Variants in KCNH2 observed in about 807,000 individuals in gnomAD.
KCNH2 encodes the protein voltage-gated inwardly rectifying potassium channel KCNH2.
A neutral mutation model predicts 95.9 loss-of-function variants in KCNH2; 35 were observed. The observed-to-expected ratio is 0.37, with a 90% CI of 0.28 to 0.48. The LOEUF (loss-of-function observed/expected upper bound fraction) is 0.48, where lower values mean the gene tolerates loss of function less well. KCNH2 is among the 20% of genes least tolerant of loss of function. KCNH2 has a pLI of 0.99. For synonymous variants in KCNH2, 786 were observed against 754.7 expected (o/e 1.04, Z -0.68); for missense variants, 1,274 against 1,702.9 (o/e 0.75, Z 4.43).
intron 2 of KCNH2, among the ~76,000 whole-genome samples, chr7:150,966,500 C>T (rs1394432978): frequency 2.0e-5 from 3 of 149,414 alleles, no homozygotes; most frequent in African/African-American, 4.9e-5. Flanking sequence ...AAACATGTGA[C>T]GGTGATCCAA....
Position 150,951,084 on chromosome 7 carries a change from G to A in KCNH2, c.1982C>T (p.Ala661Val), listed in dbSNP as rs768519164. ...MYASIFGNVS[A>V]IIQRLYSGTA... ...GCCCGAGTACAGCCGCTGGATGATG[G>A]CCGACACGTTGCCGAAGATGCTAGC... is the stretch of plus-strand genomic sequence containing the variant. The change falls in exon 8 of 15, where the codon GCC (alanine) becomes GTC (valine). Residue 661 changes from alanine (A) to valine (V), a missense_variant. This residue lies in a region of KCNH2 where 5 missense variants were observed against 30.1 expected (regional missense o/e 0.17). Coordinates refer to ENST00000262186, the MANE Select transcript of KCNH2 (RefSeq NM_000238.4). 1 of 1,612,716 alleles carries A rather than the reference G, an allele frequency of 6.2e-7. No individual in the cohort carries two copies. The highest frequency in any genetic ancestry group is 2.2e-5 in the East Asian group (1 of 44,870).
At chr7:150,951,383 GT>G in intron 7 of KCNH2, 64 bp downstream of exon 7, 1 of 1,599,310 alleles carries the variant, frequency 6.3e-7, no homozygotes. Flanking sequence ...AGCAGCCTCA[GT>G]TTCCTCCAAC....
At position 150,945,506 on chromosome 7, in the gene KCNH2, C is replaced by G; in HGVS notation, c.3339G>C (p.Gln1113His). 6.4e-7 allele frequency: 1 copy of G among 1,558,590 alleles called. No individual in the cohort carries two copies. Among genetic ancestry groups the G allele is most frequent in the Non-Finnish European group, 8.7e-7 (1 of 1,151,392 alleles). The stretch of plus-strand genomic sequence containing the variant: ...GGGGCAGCTCCTCACACGCCATGAA[C>G]TGGGAAACCTGCAATACACACAGAG... ...LTLDSLSQVS[Q>H]FMACEELPPG... Residue 1113 changes from glutamine (Q) to histidine (H), a missense_variant, in exon 15 of 15, where the codon CAG becomes CAC. Gln to His is a conservative substitution (Grantham distance 24, BLOSUM62 0). Around this residue, in one of 7 missense-constraint regions of KCNH2, gnomAD observed 457 missense variants for 416.1 expected, o/e 1.10. Coordinates refer to ENST00000262186, the MANE Select transcript of KCNH2 (RefSeq NM_000238.4). The surrounding 1 kb of genome is among the most constrained non-coding windows in gnomAD (Gnocchi z 5.6).
At chr7:150,965,668 G>T (rs368808901) in intron 2 of KCNH2, among the ~76,000 whole-genome samples, 93 of 152,290 alleles carry the variant, frequency 6.1e-4, no homozygotes, top group African/African-American at 2.2e-3. Context: ...GACCCACATG[G>T]ACGCTGCTCT....
At chr7:150,959,020 A>T (rs1801478854) in intron 3 of KCNH2, among the ~76,000 whole-genome samples, 1 of 152,252 alleles carries the variant, frequency 6.6e-6, no homozygotes. Flanking sequence ...CAAAGAGGGC[A>T]TCCTGACAGA....
intron 2 of KCNH2, among the ~76,000 whole-genome samples, chr7:150,971,705 A>G (rs148146579): frequency 1.4e-3 from 213 of 151,888 alleles, no homozygotes; most frequent in African/African-American, 4.7e-3. Context: ...ACAGAGAGTA[A>G]GCCAGGCAGG....
chr7:150,957,500 C>T lies in KCNH2; in HGVS notation c.919G>A (p.Ala307Thr). The T allele has an allele frequency of 6.2e-7, 1 of 1,610,668 alleles. No homozygotes were observed. Among genetic ancestry groups the T allele is most frequent in the African/African-American group, 1.4e-5 (1 of 74,042 alleles). Residue 307 changes from alanine to threonine, a missense_variant and splice_region_variant, in exon 5 of 15, where the codon GCC becomes ACC. This residue lies in a region of KCNH2 where 392 missense variants were observed against 429.9 expected (regional missense o/e 0.91). Transcript: ENST00000262186. ...AAGCCGCTGCGCAGTGGGTGCATGG[C>T]CCCTAGGTGGAGAGGCAGCGTGGTC... ...PPPPRHASTG[A>T]MHPLRSGLLN...
At chr7:150,956,019 C>T (rs1228238369) in intron 5 of KCNH2, 3 of 200,978 alleles carry the variant, frequency 1.5e-5, no homozygotes, top group Admixed American at 1.3e-4. Flanking sequence ...CTGACACCCC[C>T]GCCCAGCCGG....
In KCNH2 at chr7:150,958,251, G is replaced by T. The variant is rs199472872; in HGVS notation, c.724C>A (p.Arg242Ser). 2 of 1,415,276 alleles carry T rather than the reference G, an allele frequency of 1.4e-6. No individual in the cohort carries two copies. Among genetic ancestry groups the T allele is most frequent in the Non-Finnish European group, 1.8e-6 (2 of 1,087,910 alleles). 87.7% of individuals were successfully genotyped at this position (1,415,276 alleles called of 1,614,324 possible). A position where few individuals can be genotyped will look rare whatever the true frequency, so the allele number is the denominator to read the frequency against. Residue 242 changes from arginine (R) to serine (S), a missense_variant, in exon 4 of 15, where the codon CGC becomes AGC. Arg to Ser is a moderately radical substitution (Grantham distance 110). This residue lies in a region of KCNH2 where 392 missense variants were observed against 429.9 expected (regional missense o/e 0.91). Coordinates refer to ENST00000262186, the MANE Select transcript of KCNH2 (RefSeq NM_000238.4). ...RALVGPGSPPRSAPGQLPSPR... is the reference protein window; with the variant it reads ...RALVGPGSPPSSAPGQLPSPR... Reference sequence around the variant, plus strand: ...GATGGGAGCTGGCCGGGCGCGCTGCGGGGCGGAGAGCCGGGACCCACCAGC... The same window carrying T: ...GATGGGAGCTGGCCGGGCGCGCTGCTGGGCGGAGAGCCGGGACCCACCAGC...
chr7:150,945,486 A>G lies in KCNH2; in HGVS notation c.3359T>C (p.Leu1120Pro). The G allele has an allele frequency of 1.3e-6, 2 of 1,557,762 alleles. No individual in the cohort carries two copies. The highest frequency in any genetic ancestry group is 1.7e-6 in the Non-Finnish European group (2 of 1,151,260). Residue 1120 changes from leucine to proline, a missense_variant, in exon 15 of 15, where the codon CTG (leucine) becomes CCG (proline). This residue lies in a region of KCNH2 where 457 missense variants were observed against 416.1 expected (regional missense o/e 1.10). Coordinates refer to ENST00000262186, the MANE Select transcript of KCNH2 (RefSeq NM_000238.4). The surrounding 1 kb of genome is among the most constrained non-coding windows in gnomAD (Gnocchi z 5.6). ...QVSQFMACEE[L>P]PPGAPELPQE... ...GGGAAGCTCTGGGGCCCCCGGGGGCAGCTCCTCACACGCCATGAACTGGGA... is the reference window on the plus strand; with the variant it reads ...GGGAAGCTCTGGGGCCCCCGGGGGCGGCTCCTCACACGCCATGAACTGGGA...
rs759305745 is a variant in KCNH2, at chr7:150,952,678, T to C, written c.1304A>G (p.Glu435Gly). 1.2e-6 allele frequency: 2 copies of C among 1,614,078 alleles called. No homozygotes were observed. Among genetic ancestry groups the C allele is most frequent in the East Asian group, 4.5e-5 (2 of 44,882 alleles). ...GGTAGCAGGCGGGCCTTCTTCCGTC[T>C]CCTTCAGCAGGAAGGCAGCCGAGTA... ...TPYSAAFLLK[E>G]TEEGPPATEC... is the part of the protein sequence containing the mutation. Residue 435 changes from glutamate to glycine, a missense_variant, in exon 6 of 15, where the codon GAG becomes GGG. Physicochemically the swap from Glu to Gly is moderately conservative, Grantham distance 98. Coordinates refer to ENST00000262186, the MANE Select transcript of KCNH2 (RefSeq NM_000238.4). The surrounding 1 kb of genome is among the most constrained non-coding windows in gnomAD (Gnocchi z 7.3).
chr7:150,945,435 G>C lies in KCNH2; in HGVS notation c.3410C>G (p.Ser1137Cys). Reference sequence around the variant, plus strand: ...GAGGGCCCCCAGCTGGCCCGGTAGGGAGAGGCGTCGTGTGGGGCCTTCTTG... The same window carrying C: ...GAGGGCCCCCAGCTGGCCCGGTAGGCAGAGGCGTCGTGTGGGGCCTTCTTG... ...LPQEGPTRRLSLPGQLGALTS... is the reference protein window; with the variant it reads ...LPQEGPTRRLCLPGQLGALTS... The change falls in exon 15 of 15, where the codon TCC (serine) becomes TGC (cysteine). Residue 1137 changes from serine (S) to cysteine (C), a missense_variant. By Grantham distance (112) the Ser-to-Cys change is moderately radical (BLOSUM62 -1). This residue lies in a region of KCNH2 where 457 missense variants were observed against 416.1 expected (regional missense o/e 1.10). Coordinates refer to ENST00000262186, the MANE Select transcript of KCNH2 (RefSeq NM_000238.4). This position sits in a 1 kb window ranked among gnomAD's most constrained non-coding sequence, Gnocchi z 5.6. 6.4e-7 allele frequency: 1 copy of C among 1,571,168 alleles called. No homozygotes were observed. The highest frequency in any genetic ancestry group is 8.6e-7 in the Non-Finnish European group (1 of 1,158,252).
At position 150,947,042 on chromosome 7, in the gene KCNH2, C is replaced by A; in HGVS notation, c.3165G>T (p.Arg1055=). 1 of 1,600,934 alleles carries A rather than the reference C, an allele frequency of 6.2e-7. No individual in the cohort carries two copies. The highest frequency in any genetic ancestry group is 8.5e-7 in the Non-Finnish European group (1 of 1,171,708). ...GGACAGTGGCCATGTCTGCACTCAG[C>A]CGGGTCTCCAGCCTGGGGCAGGAAG... is the stretch of plus-strand genomic sequence containing the variant. ...LQRQLNRLET[R]LSADMATVLQ... Residue 1055 remains arginine, a synonymous_variant, in exon 14 of 15, where the codon CGG becomes CGT. Coordinates refer to ENST00000262186, the MANE Select transcript of KCNH2 (RefSeq NM_000238.4).
rs574723754 is a variant in KCNH2, at chr7:150,957,999, G to A, written c.916+60C>T. On this transcript the variant is annotated intron_variant, in intron 4 of 14. Transcript: ENST00000262186. ...TCAGAAGCCGAGGGCCCAGAATGCA[G>A]CAAGCCTGGCAGCAGAAGAAGCGTG... 1.5e-3 allele frequency: 1,856 copies of A among 1,245,364 alleles called. 2 individuals are homozygous for A. The highest frequency in any genetic ancestry group is 1.8e-3 in the Non-Finnish European group (1,778 of 985,820). The allele number at this position is 1,245,364 out of a possible 1,614,324, so 77.1% of individuals were successfully genotyped here.
chr7:150,955,260 G>C lies in KCNH2; in HGVS notation c.1128+2031C>G, dbSNP rs1036539057. On this transcript the variant is annotated intron_variant, in intron 5 of 14. Coordinates refer to ENST00000262186, the MANE Select transcript of KCNH2 (RefSeq NM_000238.4). ...ACAGGAGCCAGGCGCGGGTGAGCAG[G>C]GCCAGGCCCCACGGCTCCCAAAGCT... 6 of 901,378 alleles carry C rather than the reference G, an allele frequency of 6.7e-6. No homozygotes were observed. In the African/African-American group the frequency reaches 8.2e-5, roughly 12 times the overall value. 55.8% of individuals were successfully genotyped at this position (901,378 alleles called of 1,614,324 possible). A position where few individuals can be genotyped will look rare whatever the true frequency, so the allele number is the denominator to read the frequency against.
rs1156510876 is a variant in KCNH2, at chr7:150,977,882, T to A, written c.32A>T (p.Gln11Leu). Residue 11 changes from glutamine (Q) to leucine (L), a missense_variant, in exon 1 of 15, where the codon CAG becomes CTG. Around this residue, in one of 7 missense-constraint regions of KCNH2, gnomAD observed 29 missense variants for 25.2 expected, o/e 1.15. Coordinates refer to ENST00000262186, the MANE Select transcript of KCNH2 (RefSeq NM_000238.4). MPVRRGHVAP[Q>L]NTFLDTIIRK... ...GATGATGGTGTCCAGGAAGGTGTTCTGCGGCGCGACGTGGCCCCTCCGCAC... is the reference window on the plus strand; with the variant it reads ...GATGATGGTGTCCAGGAAGGTGTTCAGCGGCGCGACGTGGCCCCTCCGCAC... The A allele has an allele frequency of 1.3e-6, 2 of 1,589,070 alleles. No homozygotes were observed. The highest frequency in any genetic ancestry group is 1.7e-6 in the Non-Finnish European group (2 of 1,167,796).
At position 150,964,491 on chromosome 7, in the gene KCNH2, A is replaced by G. The variant is rs77365352; in HGVS notation, c.308-4755T>C. 4.3e-3 allele frequency among the ~76,000 whole-genome samples: 654 copies of G among 152,144 alleles called. 7 individuals carry two copies. In the East Asian group the frequency reaches 0.066, roughly 15 times the overall value. On this transcript the variant is annotated intron_variant, in intron 2 of 14. Transcript: ENST00000262186. ...CCATGGTGGCTCCTGCGTTCCCTCT[A>G]TTTTCTGTGGCTATGGGCAGGTCAC...
rs374915150 is a variant in KCNH2, at chr7:150,947,103, A to G, written c.3153-49T>C. On this transcript the variant is annotated intron_variant, in intron 13 of 14. Coordinates refer to ENST00000262186, the MANE Select transcript of KCNH2 (RefSeq NM_000238.4). ...TCAGAGAAGTGGGGACACCAGTGAC[A>G]GCCTCCACCGGGAGTGGGGAAGGGG... The G allele has an allele frequency of 5.8e-5, 44 of 756,880 alleles. No individual in the cohort carries two copies. In the African/African-American group the frequency reaches 7.8e-4, roughly 13 times the overall value. The allele number at this position is 756,880 out of a possible 1,614,324, so 46.9% of individuals were successfully genotyped here. A position where few individuals can be genotyped will look rare whatever the true frequency, so the allele number is the denominator to read the frequency against.
intron 2 of KCNH2, 100 bp downstream of exon 2, chr7:150,974,611 G>GCCCCCCCCCCCCCCCCCCCCCCC: frequency 1.3e-6 from 1 of 795,738 alleles, no homozygotes. Flanking sequence ...TTCTCCAGCC[G>GCCCCCCCCCCCCCCCCCCCCCCC]CCCCCACACC....
Sources: gnomAD v4.1 joint callset for allele counts (sites outside exome capture counted in the v4.1 genomes callset) on GRCh38, gnomAD v4.1.1 for gene constraint, gnomAD v4.1.1 regional missense constraint, Gnocchi (gnomAD v3.1) non-coding constraint, MANE v1.5 for transcripts, NCBI Gene and HGNC (gene_info 2026-07-23, HGNC 2026-07-21) for gene names.